The following EHMT1 variants were observed in gnomAD, a reference collection of about 807,000 sequenced individuals.
EHMT1 encodes euchromatic histone lysine methyltransferase 1, also known as histone-lysine N-methyltransferase EHMT1.
In EHMT1, 15 loss-of-function variants were observed where a neutral mutation model predicts 147.2. That is an observed-to-expected ratio of 0.10 (90% CI 0.07 to 0.16). The LOEUF is 0.16. Ranked by LOEUF, EHMT1 falls within the 10% of genes least tolerant of loss-of-function variation. The probability of loss-of-function intolerance (pLI) is 1.00; values close to 1 mark genes in which losing one functional copy is unlikely to be tolerated. For missense variants in EHMT1, 1,587 were observed against 1,772.4 expected (o/e 0.90, Z 1.88); for synonymous variants, 795 against 709.6 (o/e 1.12, Z -1.91).
At chr9:137,795,767 G>A (rs905912662) in intron 16 of EHMT1, among the ~76,000 whole-genome samples, 2 of 152,116 alleles carry the variant, frequency 1.3e-5, no homozygotes, top group Non-Finnish European at 1.5e-5. Flanking sequence ...TCACACTGTT[G>A]TAAAGGTATT....
At position 137,801,412 on chromosome 9, in the gene EHMT1, C is replaced by A. The variant is rs1252621641; in HGVS notation, c.2712+428C>A. 3.9e-5 allele frequency among the ~76,000 whole-genome samples: 6 copies of A among 152,222 alleles called. No individual in the cohort carries two copies. The South Asian group carries it at 1.0e-3, about 26-fold the overall frequency. ...TCTTGGCTCACTGCAACCTCTGCCTCCTGGGTTCAAGTGATTCTCATGCCT... is the reference window on the plus strand; with the variant it reads ...TCTTGGCTCACTGCAACCTCTGCCTACTGGGTTCAAGTGATTCTCATGCCT... On this transcript the variant is annotated intron_variant, in intron 18 of 26. Coordinates refer to ENST00000460843, the MANE Select transcript of EHMT1 (RefSeq NM_024757.5).
intron 17 of EHMT1, among the ~76,000 whole-genome samples, chr9:137,800,131 G>T (rs1953335515): frequency 6.6e-6 from 1 of 152,242 alleles, no homozygotes; most frequent in South Asian, 2.1e-4. Flanking sequence ...ATTGGGATGT[G>T]CAGGTCCTTT....
At chr9:137,795,870 TA>T (rs1457175779) in intron 16 of EHMT1, among the ~76,000 whole-genome samples, 1 of 151,674 alleles carries the variant, frequency 6.6e-6, no homozygotes, top group East Asian at 1.9e-4. Context: ...ATAAAACAAA[TA>T]GAGCTTTTCA....
intron 1 of EHMT1, among the ~76,000 whole-genome samples, chr9:137,687,405 T>C (rs1430510060): frequency 6.6e-6 from 1 of 152,126 alleles, no homozygotes; most frequent in East Asian, 1.9e-4. Context: ...TGGGTCAGTT[T>C]AGGTAGAGTT....
chr9:137,713,955 A>G (rs1401918359), intron 2 of EHMT1, among the ~76,000 whole-genome samples: 1 of 152,196 alleles, frequency 6.6e-6, no homozygotes, highest in Non-Finnish European at 1.5e-5. Flanking sequence ...ATCTCAAAAA[A>G]TAAAAAAAGT....
At chr9:137,820,444 C>G (rs147229233) in intron 25 of EHMT1, among the ~76,000 whole-genome samples, 10 of 152,252 alleles carry the variant, frequency 6.6e-5, no homozygotes, top group Non-Finnish European at 1.3e-4. Flanking sequence ...CGCCTTCTCT[C>G]TATGACTTTT....
intron 1 of EHMT1, among the ~76,000 whole-genome samples, chr9:137,675,802 T>G (rs11137175): frequency 0.021 from 2,213 of 103,874 alleles, 32 homozygotes; most frequent in African/African-American, 0.064. Flanking sequence ...TTTTTTTTTT[T>G]AGACGGAGTC....
At chr9:137,789,780 A>T (rs1952372183) in intron 15 of EHMT1, among the ~76,000 whole-genome samples, 1 of 152,170 alleles carries the variant, frequency 6.6e-6, no homozygotes, top group Non-Finnish European at 1.5e-5. Context: ...CCCAGGCTGG[A>T]GTGCAGTGGT....
chr9:137,687,498 G>T (rs1258973979), intron 1 of EHMT1, among the ~76,000 whole-genome samples: 1 of 152,130 alleles, frequency 6.6e-6, no homozygotes, highest in Non-Finnish European at 1.5e-5. Context: ...AGTTTAGGTA[G>T]AGTTCAGGTA....
chr9:137,710,943 A>G, intron 1 of EHMT1, 24 bp from the exon 2 acceptor site: 1 of 1,586,194 alleles, frequency 6.3e-7, no homozygotes, highest in Non-Finnish European at 8.6e-7. Flanking sequence ...AACCCGGCTG[A>G]CGGCTGTTGT....
chr9:137,744,139 G>A (rs757836478), intron 6 of EHMT1, 49 bp downstream of exon 6: 18 of 1,607,364 alleles, frequency 1.1e-5, no homozygotes, highest in Non-Finnish European at 1.3e-5. Context: ...GCATCACAAA[G>A]TTGGCCGTGG....
At chr9:137,779,913 G>A (rs188344765) in intron 14 of EHMT1, among the ~76,000 whole-genome samples, 196 bp downstream of exon 14, 1 of 152,334 alleles carries the variant, frequency 6.6e-6, no homozygotes, top group Non-Finnish European at 1.5e-5. Flanking sequence ...ATCCAGTTAC[G>A]CAAGATATTA....
intron 1 of EHMT1, among the ~76,000 whole-genome samples, chr9:137,644,298 G>A (rs1231536539): frequency 6.6e-6 from 1 of 151,688 alleles, no homozygotes; most frequent in Non-Finnish European, 1.5e-5. Context: ...TGGAATTTGA[G>A]TTTCATATCA....
At chr9:137,743,182 G>A (rs771168126) in intron 4 of EHMT1, 189 bp from the exon 5 acceptor site, 1 of 623,100 alleles carries the variant, frequency 1.6e-6, no homozygotes, top group Non-Finnish European at 2.7e-6. Context: ...CTGATTCTCT[G>A]TGAATTGATC....
intron 18 of EHMT1, among the ~76,000 whole-genome samples, chr9:137,809,841 G>A (rs1480300905): frequency 7.2e-5 from 11 of 152,100 alleles, no homozygotes; most frequent in Admixed American, 5.2e-4. Flanking sequence ...GGAAGGGTCC[G>A]GAGGCGGTTC....
At chr9:137,723,222 G>GC (rs1946255244) in intron 3 of EHMT1, among the ~76,000 whole-genome samples, 1 of 78,172 alleles carries the variant, frequency 1.3e-5, no homozygotes, top group Non-Finnish European at 2.6e-5. Flanking sequence ...CCCGGGGTGT[G>GC]CCTGTGTCCG....
At chr9:137,702,414 AC>A (rs1245960589) in intron 1 of EHMT1, among the ~76,000 whole-genome samples, 2 of 152,202 alleles carry the variant, frequency 1.3e-5, no homozygotes, top group African/African-American at 2.4e-5. Context: ...ATTGACCAAA[AC>A]AAAGGGGCTA....
intron 3 of EHMT1, among the ~76,000 whole-genome samples, chr9:137,718,754 CTTTT>C (rs1163532857): frequency 2.9e-4 from 42 of 146,340 alleles, no homozygotes; most frequent in Non-Finnish European, 5.5e-4. Flanking sequence ...TTTTCTTTTT[CTTTT>C]TCTTTTTTTT....
At chr9:137,826,477 G>A (rs1955820403) in intron 25 of EHMT1, among the ~76,000 whole-genome samples, 2 of 152,164 alleles carry the variant, frequency 1.3e-5, no homozygotes, top group Non-Finnish European at 1.5e-5. Context: ...TGGTTCCTGG[G>A]GCCTGTCTCA....
Sources: gnomAD v4.1 joint callset for allele counts (sites outside exome capture counted in the v4.1 genomes callset) on GRCh38, gnomAD v4.1.1 for gene constraint, MANE v1.5 for transcripts, NCBI Gene and HGNC (gene_info 2026-07-23, HGNC 2026-07-21) for gene names.